The following CCDC15 variants were observed in gnomAD, a reference collection of about 807,000 sequenced individuals.
CCDC15 encodes the protein coiled-coil domain containing 15.
CCDC15 carries 105 observed loss-of-function variants against 114.5 expected under a neutral mutation model. The ratio of observed to expected loss-of-function variants is 0.92; its 90% confidence interval spans 0.78 to 1.08. CCDC15 has a LOEUF of 1.08. Among genes scored for constraint, CCDC15 ranks in the 50% least tolerant of loss-of-function variants. The probability of loss-of-function intolerance (pLI) is 0.00; values close to 1 mark genes in which losing one functional copy is unlikely to be tolerated. For synonymous variants in CCDC15, 334 were observed against 377.8 expected (o/e 0.88, Z 1.34); for missense variants, 1,105 against 1,093.6 (o/e 1.01, Z -0.15).
rs10893313 is a variant in CCDC15 at position 125,010,956 on chromosome 11, A to C, written c.2411+5744A>C. ...ACATTTAAATCTTTAATCCATCTTG[A>C]GTTAATGTTTGTGTATAGTAAAGGT... is the stretch of plus-strand genomic sequence containing the variant. On this transcript the variant is annotated intron_variant, in intron 13 of 15. Coordinates refer to ENST00000344762, the MANE Select transcript of CCDC15 (RefSeq NM_025004.3). Among the ~76,000 whole-genome samples the C allele has an allele frequency of 2.6e-5, 4 of 151,910 alleles. No individual in the cohort carries two copies. In the East Asian group the frequency reaches 7.7e-4, roughly 29 times the overall value.
At chr11:124,992,798 T>C in intron 10 of CCDC15, 111 bp downstream of exon 10, 1 of 623,536 alleles carries the variant, frequency 1.6e-6, no homozygotes, top group East Asian at 2.7e-5. Flanking sequence ...GTGGAATACA[T>C]AGAATTAAGG....
intron 13 of CCDC15, among the ~76,000 whole-genome samples, chr11:125,035,187 A>G (rs902364091): frequency 1.3e-5 from 2 of 152,014 alleles, no homozygotes; most frequent in African/African-American, 4.8e-5. Flanking sequence ...GATTGTGCCC[A>G]CTCAGATTAA....
intron 13 of CCDC15, among the ~76,000 whole-genome samples, chr11:125,020,780 G>T (rs1365462879): frequency 6.6e-6 from 1 of 151,972 alleles, no homozygotes; most frequent in Non-Finnish European, 1.5e-5. Context: ...AGACATTGGA[G>T]AAGAGCAGAA....
At chr11:124,976,797 G>GT (rs1947981625) in intron 5 of CCDC15, among the ~76,000 whole-genome samples, 1 of 152,054 alleles carries the variant, frequency 6.6e-6, no homozygotes, top group Admixed American at 6.5e-5. Flanking sequence ...GTATAAACCA[G>GT]TTTTTTACGT....
chr11:124,986,709 G>A (rs114780933), intron 6 of CCDC15, 33 bp from the exon 7 acceptor site: 43,475 of 1,407,050 alleles, frequency 0.031, 1,775 homozygotes, highest in African/African-American at 0.083. Flanking sequence ...GTGCGCGCGC[G>A]CGCGTGCGCG....
chr11:124,977,354 A>G (rs1947990307), intron 5 of CCDC15, 124 bp from the exon 6 acceptor site: 1 of 760,446 alleles, frequency 1.3e-6, no homozygotes, highest in Non-Finnish European at 1.9e-6. Flanking sequence ...TTTTCCCTTT[A>G]CTGTGTATTA....
chr11:125,025,749 G>A (rs1948698152), intron 13 of CCDC15, among the ~76,000 whole-genome samples: 2 of 151,776 alleles, frequency 1.3e-5, no homozygotes, highest in Non-Finnish European at 2.9e-5. Flanking sequence ...TTTATTAATG[G>A]CATAAAGTTC....
intron 13 of CCDC15, among the ~76,000 whole-genome samples, chr11:125,027,989 G>A (rs1433807192): frequency 6.6e-6 from 1 of 151,902 alleles, no homozygotes; most frequent in Non-Finnish European, 1.5e-5. Context: ...TACTGAACAG[G>A]GTGTCCTTAC....
chr11:125,008,724 C>T (rs1283407481), intron 13 of CCDC15, among the ~76,000 whole-genome samples: 3 of 151,728 alleles, frequency 2.0e-5, no homozygotes, highest in Non-Finnish European at 2.9e-5. Flanking sequence ...TACAGAGTCT[C>T]GCTCCGTTGC....
At chr11:124,962,226 CTTAGT>C (rs2135433776) in intron 4 of CCDC15, among the ~76,000 whole-genome samples, 1 of 152,254 alleles carries the variant, frequency 6.6e-6, no homozygotes, top group East Asian at 1.9e-4. Flanking sequence ...CACGAACTCC[CTTAGT>C]TTATCTAGAA....
intron 6 of CCDC15, among the ~76,000 whole-genome samples, chr11:124,980,082 G>T (rs965506372): frequency 6.6e-6 from 1 of 152,158 alleles, no homozygotes; most frequent in Non-Finnish European, 1.5e-5. Flanking sequence ...CACAATTAAT[G>T]ATTTGTGTAT....
intron 12 of CCDC15, among the ~76,000 whole-genome samples, chr11:125,004,278 AAGTT>A (rs758031213): frequency 1.4e-4 from 21 of 151,844 alleles, no homozygotes; most frequent in Non-Finnish European, 2.4e-4. Flanking sequence ...TTTCAATCTA[AAGTT>A]AGTTTAAACC....
intron 6 of CCDC15, among the ~76,000 whole-genome samples, chr11:124,978,282 T>G (rs1948009707): frequency 6.6e-6 from 1 of 152,230 alleles, no homozygotes; most frequent in South Asian, 2.1e-4. Flanking sequence ...TTTAGGTTGA[T>G]TCTGTGTCTT....
At chr11:124,981,613 A>G (rs1415414979) in intron 6 of CCDC15, among the ~76,000 whole-genome samples, 4 of 149,870 alleles carry the variant, frequency 2.7e-5, no homozygotes, top group Non-Finnish European at 5.9e-5. Context: ...GAAATCTCCC[A>G]CTATTATTGT....
rs1948796014 is a variant in CCDC15, at chr11:125,038,950, A to G, written c.2615A>G (p.Gln872Arg). ...GTAGAAGCTTTACGAGCCCAAATCC[A>G]GGAGAAAATGCAGCTGTATAATATT... Reference protein sequence around the residue: ...RYVEALRAQIQEKMQLYNITL... With the variant: ...RYVEALRAQIREKMQLYNITL... The change falls in exon 15 of 16, where the codon CAG becomes CGG. Residue 872 changes from glutamine (Q) to arginine (R), a missense_variant. Transcript: ENST00000344762. The G allele has an allele frequency of 1.2e-6, 2 of 1,613,344 alleles. No individual in the cohort carries two copies. The highest frequency in any genetic ancestry group is 1.3e-5 in the African/African-American group (1 of 74,930).
chr11:124,954,762 T>C lies in CCDC15; in HGVS notation c.30T>C (p.Pro10=), dbSNP rs141534483. 2,501 of 1,613,904 alleles carry C rather than the reference T, an allele frequency of 1.5e-3. 19 individuals are homozygous for C. In the African/African-American group the frequency reaches 0.022, roughly 14 times the overall value. ...TGGGAAGTATGGCCCGAAAGAAACC[T>C]CGAAATACCTCAAGGTTGCCCCTGG... The part of the protein sequence containing the change: MLGSMARKK[P]RNTSRLPLAL... Residue 10 remains proline (P), a synonymous_variant, in exon 2 of 16, where the codon CCT becomes CCC. Transcript: ENST00000344762.
At chr11:125,003,223 T>C (rs1011685310) in intron 11 of CCDC15, among the ~76,000 whole-genome samples, 3 of 152,002 alleles carry the variant, frequency 2.0e-5, no homozygotes, top group South Asian at 2.1e-4. Context: ...CAATTGATTT[T>C]TGTATATTGA....
Position 124,987,634 on chromosome 11 carries a change from C to A in CCDC15, c.1408C>A (p.Gln470Lys), listed in dbSNP as rs942754425. 2.5e-6 allele frequency: 4 copies of A among 1,613,640 alleles called. No homozygotes were observed. Among genetic ancestry groups the A allele is most frequent in the Middle Eastern group, 1.6e-4 (1 of 6,062 alleles). The change falls in exon 8 of 16, where the codon CAG (glutamine) becomes AAG (lysine). Residue 470 changes from glutamine (Q) to lysine (K), a missense_variant. Gln to Lys is a moderately conservative substitution (Grantham distance 53, BLOSUM62 1). Transcript: ENST00000344762. ...DQDILPKYQD[Q>K]NFLPKDQNFL... is the part of the protein sequence containing the mutation. ...AGATATTCTGCCAAAATATCAGGAC[C>A]AGAATTTTCTACCTAAGGACCAGAA...
At chr11:124,976,098 A>ATGTTTTTTTGCCAATAAATATGT (rs1473003539) in intron 5 of CCDC15, among the ~76,000 whole-genome samples, 8 of 151,546 alleles carry the variant, frequency 5.3e-5, no homozygotes, top group African/African-American at 1.9e-4. Flanking sequence ...TTAATAAATT[A>ATGTTTTTTTGCCAATAAATATGT]TGTTTTTTTG....
Sources: gnomAD v4.1 joint callset for allele counts (sites outside exome capture counted in the v4.1 genomes callset) on GRCh38, gnomAD v4.1.1 for gene constraint, MANE v1.5 for transcripts, NCBI Gene and HGNC (gene_info 2026-07-23, HGNC 2026-07-21) for gene names.